SLCO1B3: variants seen among roughly 807,000 people sequenced by gnomAD.
The protein encoded by SLCO1B3 is solute carrier organic anion transporter family member 1B3, also known as liver-specific organic anion transporter 2.
In SLCO1B3, 72 loss-of-function variants were observed where a neutral mutation model predicts 71.8. The observed-to-expected ratio is 1.00, with a 90% confidence interval of 0.83 to 1.22. The LOEUF is 1.22. SLCO1B3 is among the 50% of genes most tolerant of loss of function. SLCO1B3 has a pLI of 0.00. For missense variants in SLCO1B3, 911 were observed against 819.7 expected (o/e 1.11, Z -1.36); for synonymous variants, 298 against 278.4 (o/e 1.07, Z -0.70).
intron 8 of SLCO1B3, among the ~76,000 whole-genome samples, chr12:20,874,354 A>G (rs762020343): frequency 3.3e-5 from 5 of 152,098 alleles, no homozygotes; most frequent in Admixed American, 6.6e-5. Context: ...ACTGGTTTTT[A>G]TGTATCTGGT....
chr12:20,863,679 A>G (rs1214996679), intron 8 of SLCO1B3, among the ~76,000 whole-genome samples: 1 of 152,118 alleles, frequency 6.6e-6, no homozygotes, highest in Non-Finnish European at 1.5e-5. Flanking sequence ...CCATCTATGT[A>G]CACATACACA....
rs145378190 is a variant in SLCO1B3, at chr12:20,912,260, A to G, written c.1866-3744A>G. Among the ~76,000 whole-genome samples, 602 of 151,262 alleles carry G rather than the reference A, an allele frequency of 4.0e-3. 4 individuals carry two copies. The highest frequency in any genetic ancestry group is 0.014 in the African/African-American group (576 of 41,388). ...CTTGTGGTTTAAGGACAGATATTAC[A>G]TGATTTTCATTCTTTCAAATTTCTT... On this transcript the variant is annotated intron_variant, in intron 15 of 15. Coordinates refer to ENST00000381545, the MANE Select transcript of SLCO1B3 (RefSeq NM_019844.4).
chr12:20,890,811 C>A (rs574945060), intron 13 of SLCO1B3, among the ~76,000 whole-genome samples: 11 of 152,192 alleles, frequency 7.2e-5, no homozygotes, highest in African/African-American at 1.7e-4. Flanking sequence ...TTTGTTTTAT[C>A]TAATGCCAGT....
chr12:20,818,846 T>C (rs1316986275), intron 3 of SLCO1B3, among the ~76,000 whole-genome samples: 1 of 151,990 alleles, frequency 6.6e-6, no homozygotes, highest in South Asian at 2.1e-4. Flanking sequence ...ATCAGAGAGA[T>C]GCAGTCATGA....
intron 4 of SLCO1B3, among the ~76,000 whole-genome samples, chr12:20,856,453 T>G (rs1256681624): frequency 6.6e-6 from 1 of 152,238 alleles, no homozygotes; most frequent in Non-Finnish European, 1.5e-5. Flanking sequence ...GAATAGCAAC[T>G]ATTTACATAG....
chr12:20,905,701 A>G (rs561954327), intron 15 of SLCO1B3, among the ~76,000 whole-genome samples: 3 of 152,202 alleles, frequency 2.0e-5, no homozygotes, highest in African/African-American at 7.2e-5. Context: ...CATCTGAGAC[A>G]ATCCTGAACT....
chr12:20,821,898 C>T lies in SLCO1B3; in HGVS notation c.84+6076C>T, dbSNP rs1292988247. Among the ~76,000 whole-genome samples the T allele has an allele frequency of 2.0e-5, 3 of 152,156 alleles. No homozygotes were observed. The East Asian group carries it at 5.8e-4, about 29-fold the overall frequency. ...TTTTGGGTCCACGGATAAAACATGT[C>T]TCCTTTGTCTCTATCCGAAAATGAA... On this transcript the variant is annotated intron_variant, in intron 3 of 15. Transcript: ENST00000381545.
intron 8 of SLCO1B3, among the ~76,000 whole-genome samples, chr12:20,870,613 T>A (rs1351921622): frequency 2.0e-5 from 3 of 152,190 alleles, no homozygotes; most frequent in South Asian, 2.1e-4. Context: ...CGTGGTCCCT[T>A]GTCAAAGATC....
chr12:20,862,139 A>G lies in SLCO1B3; in HGVS notation c.482-273A>G, dbSNP rs553273543. Among the ~76,000 whole-genome samples, 10 of 152,280 alleles carry G rather than the reference A, an allele frequency of 6.6e-5. No homozygotes were observed. The South Asian group carries it at 2.1e-3, about 32-fold the overall frequency. On this transcript the variant is annotated intron_variant, in intron 6 of 15. Coordinates refer to ENST00000381545, the MANE Select transcript of SLCO1B3 (RefSeq NM_019844.4). The stretch of plus-strand genomic sequence containing the variant: ...GGATTTTTAAATATGTAATGTACAT[A>G]AGGAATATTATGCATATTTTGTGCA...
At chr12:20,840,989 T>C (rs1294863013) in intron 3 of SLCO1B3, among the ~76,000 whole-genome samples, 2 of 152,128 alleles carry the variant, frequency 1.3e-5, no homozygotes, top group East Asian at 3.8e-4. Context: ...GAGAAAATCA[T>C]CAAAAAAGGG....
At chr12:20,898,687 G>C (rs1377154271) in intron 14 of SLCO1B3, among the ~76,000 whole-genome samples, 187 bp downstream of exon 14, 1 of 152,136 alleles carries the variant, frequency 6.6e-6, no homozygotes, top group Non-Finnish European at 1.5e-5. Context: ...ATAATTTGAT[G>C]TTAATTCTAG....
intron 4 of SLCO1B3, 41 bp downstream of exon 4, chr12:20,855,210 A>G: frequency 6.5e-7 from 1 of 1,545,652 alleles, no homozygotes; most frequent in Non-Finnish European, 8.9e-7. Flanking sequence ...TACTTGCATA[A>G]GTTGAAAAAC....
chr12:20,911,320 A>G (rs374316991), intron 15 of SLCO1B3, among the ~76,000 whole-genome samples: 3 of 152,134 alleles, frequency 2.0e-5, no homozygotes, highest in African/African-American at 7.2e-5. Flanking sequence ...TGGTGCCTAA[A>G]TTGTTAATGC....
chr12:20,914,790 T>G (rs12371715), intron 15 of SLCO1B3, among the ~76,000 whole-genome samples: 21,189 of 152,176 alleles, frequency 0.14, 2,067 homozygotes, highest in Middle Eastern at 0.23. Context: ...TACAGAATTT[T>G]TAAGTTGGTG....
intron 3 of SLCO1B3, among the ~76,000 whole-genome samples, chr12:20,828,663 A>G (rs1163527844): frequency 6.6e-6 from 1 of 151,976 alleles, no homozygotes; most frequent in Non-Finnish European, 1.5e-5. Flanking sequence ...ACACACACAC[A>G]CACTCACACA....
intron 1 of SLCO1B3, among the ~76,000 whole-genome samples, chr12:20,811,743 T>C (rs1025480171): frequency 6.6e-6 from 1 of 152,178 alleles, no homozygotes; most frequent in Non-Finnish European, 1.5e-5. Context: ...CAACATTTAT[T>C]TATGTCAATA....
At chr12:20,890,152 C>G (rs1347687923) in intron 13 of SLCO1B3, among the ~76,000 whole-genome samples, 1 of 151,908 alleles carries the variant, frequency 6.6e-6, no homozygotes, top group African/African-American at 2.4e-5. Context: ...CTCCTGATCT[C>G]AAGTGATCCA....
chr12:20,875,487 T>C lies in SLCO1B3; in HGVS notation c.970+10T>C, dbSNP rs979472298. 3.8e-6 allele frequency: 6 copies of C among 1,592,184 alleles called. No homozygotes were observed. Among genetic ancestry groups the C allele is most frequent in the Non-Finnish European group, 5.1e-6 (6 of 1,175,296 alleles). On this transcript the variant is annotated intron_variant, in intron 9 of 15. Transcript: ENST00000381545. ...ACCAAAAATGTGACTGGTAGGTATT[T>C]GACATTCATTGTCAACTTGGAATTG...
intron 3 of SLCO1B3, among the ~76,000 whole-genome samples, chr12:20,852,704 G>C (rs1317402854): frequency 6.6e-6 from 1 of 152,022 alleles, no homozygotes. Context: ...TTATGATCTA[G>C]TGAGATTTTC....
Sources: allele counts gnomAD v4.1 joint callset (sites outside exome capture counted in the v4.1 genomes callset), GRCh38; gene constraint gnomAD v4.1.1; transcripts MANE v1.5; gene names NCBI Gene and HGNC (gene_info 2026-07-23, HGNC 2026-07-21).